TBC1D1: variants seen among roughly 807,000 people sequenced by gnomAD.
The protein encoded by TBC1D1 is TBC1 (tre-2/USP6, BUB2, cdc16) domain family, member 1.
Under a neutral mutation model 125.6 loss-of-function variants are expected in TBC1D1, and 89 were observed. The observed-to-expected ratio is 0.71, with a 90% confidence interval of 0.60 to 0.85. The LOEUF is 0.85. TBC1D1 is among the 40% of genes least tolerant of loss of function. TBC1D1 has a pLI of 0.00. For missense variants in TBC1D1, 1,377 were observed against 1,469.2 expected (o/e 0.94, Z 1.03); for synonymous variants, 565 against 564.1 (o/e 1.00, Z -0.02).
At chr4:37,948,602 T>C (rs981020915) in intron 2 of TBC1D1, among the ~76,000 whole-genome samples, 9 of 150,150 alleles carry the variant, frequency 6.0e-5, no homozygotes, top group African/African-American at 2.2e-4. Flanking sequence ...CACTCCAGCC[T>C]GGGCAACAGA....
At chr4:38,036,306 T>A (rs1160057626) in intron 8 of TBC1D1, among the ~76,000 whole-genome samples, 1 of 152,146 alleles carries the variant, frequency 6.6e-6, no homozygotes, top group African/African-American at 2.4e-5. Flanking sequence ...CCTTGGAAGA[T>A]CTTCAGGTTT....
At chr4:38,021,562 A>G in intron 5 of TBC1D1, 24 bp from the exon 6 acceptor site, 1 of 1,489,752 alleles carries the variant, frequency 6.7e-7, no homozygotes, top group Non-Finnish European at 8.9e-7. Context: ...TTTGGTGACT[A>G]CAACTTCTCT....
intron 6 of TBC1D1, among the ~76,000 whole-genome samples, chr4:38,023,425 A>G (rs1367538379): frequency 6.6e-6 from 1 of 152,176 alleles, no homozygotes; most frequent in Non-Finnish European, 1.5e-5. Context: ...ACATTGTTGT[A>G]CAGTCCTCAC....
At chr4:37,974,334 G>C (rs1732628274) in intron 2 of TBC1D1, among the ~76,000 whole-genome samples, 1 of 151,976 alleles carries the variant, frequency 6.6e-6, no homozygotes, top group South Asian at 2.1e-4. Context: ...GGGCTCAAAT[G>C]ATCTTCCCAC....
rs535904968 is a variant in TBC1D1 at position 37,996,210 on chromosome 4, G to C, written c.418-18299G>C. The C allele has an allele frequency of 2.6e-5, 8 of 302,310 alleles. 1 individual carries two copies. Among genetic ancestry groups the C allele is most frequent in the African/African-American group, 1.1e-4 (5 of 46,516 alleles). The allele number at this position is 302,310 out of a possible 1,614,324, so 18.7% of individuals were successfully genotyped here. On this transcript the variant is annotated intron_variant, in intron 2 of 19. Transcript: ENST00000261439. ...ACCCACCACAAGGCTTGGCCGTGCA[G>C]CTTCAGTTGCTGGATCTCTGGTCTT...
intron 12 of TBC1D1, among the ~76,000 whole-genome samples, chr4:38,055,339 C>T (rs941765130): frequency 6.6e-6 from 1 of 152,206 alleles, no homozygotes; most frequent in African/African-American, 2.4e-5. Context: ...CCCTTAGGAG[C>T]TGTGAACTAG....
intron 2 of TBC1D1, among the ~76,000 whole-genome samples, chr4:38,009,687 AT>A (rs1174795149): frequency 1.3e-5 from 2 of 152,230 alleles, no homozygotes; most frequent in African/African-American, 4.8e-5. Flanking sequence ...AACTTCATAC[AT>A]TACTGTGCAT....
intron 2 of TBC1D1, among the ~76,000 whole-genome samples, chr4:37,962,106 T>C (rs185234203): frequency 1.3e-5 from 2 of 152,360 alleles, no homozygotes; most frequent in African/African-American, 4.8e-5. Flanking sequence ...TTTTGTTCAC[T>C]ATGGTGTCCA....
chr4:38,000,930 A>G (rs1313809391), intron 2 of TBC1D1, among the ~76,000 whole-genome samples: 1 of 152,216 alleles, frequency 6.6e-6, no homozygotes, highest in Non-Finnish European at 1.5e-5. Context: ...TATAAAGAAT[A>G]CCACTCAAGG....
chr4:38,105,812 A>G (rs1761200472), intron 15 of TBC1D1, among the ~76,000 whole-genome samples: 1 of 152,164 alleles, frequency 6.6e-6, no homozygotes, highest in Non-Finnish European at 1.5e-5. Flanking sequence ...GTGTCCATAT[A>G]TCACATTTTC....
intron 8 of TBC1D1, among the ~76,000 whole-genome samples, chr4:38,036,793 G>A (rs1747303367): frequency 6.6e-6 from 1 of 152,198 alleles, no homozygotes; most frequent in Non-Finnish European, 1.5e-5. Context: ...TCTAACATGA[G>A]TATATGACCT....
At chr4:37,998,501 C>T (rs1203332131) in intron 2 of TBC1D1, among the ~76,000 whole-genome samples, 1 of 152,198 alleles carries the variant, frequency 6.6e-6, no homozygotes. Context: ...TCCACACCTC[C>T]CTCCTCGTCT....
At position 37,999,106 on chromosome 4, in the gene TBC1D1, G is replaced by A. The variant is rs190474009; in HGVS notation, c.418-15403G>A. ...TCCACTAAAAATACAAAAATTAGTC[G>A]GGTGTGGTGGTGGGCGCCTGTAATC... On this transcript the variant is annotated intron_variant, in intron 2 of 19. Coordinates refer to ENST00000261439, the MANE Select transcript of TBC1D1 (RefSeq NM_015173.4). Among the ~76,000 whole-genome samples the A allele has an allele frequency of 6.2e-4, 94 of 152,218 alleles. 1 individual carries two copies. In the East Asian group the frequency reaches 0.016, roughly 26 times the overall value.
Position 38,009,219 on chromosome 4 carries a change from C to T in TBC1D1, c.418-5290C>T, listed in dbSNP as rs13129158. ...ATCTGTTCCTTCTGGACAATGATTA[C>T]GTAGCATTTTTTTTGTGTGAAGTGC... On this transcript the variant is annotated intron_variant, in intron 2 of 19. Transcript: ENST00000261439. Among the ~76,000 whole-genome samples the T allele has an allele frequency of 8.9e-3, 1,353 of 152,216 alleles. 6 individuals are homozygous for T. The highest frequency in any genetic ancestry group is 0.015 in the Non-Finnish European group (987 of 68,000).
intron 2 of TBC1D1, among the ~76,000 whole-genome samples, chr4:38,000,696 C>T (rs960440694): frequency 2.0e-5 from 3 of 152,172 alleles, no homozygotes; most frequent in African/African-American, 7.2e-5. Flanking sequence ...TTCTCTGATT[C>T]TCTGGTCACC....
intron 2 of TBC1D1, among the ~76,000 whole-genome samples, chr4:38,009,604 A>T (rs1433802367): frequency 6.6e-6 from 1 of 152,222 alleles, no homozygotes; most frequent in African/African-American, 2.4e-5. Flanking sequence ...TACAGAACTG[A>T]ATATTTCTAA....
intron 12 of TBC1D1, among the ~76,000 whole-genome samples, chr4:38,059,963 A>G (rs1233387733): frequency 6.6e-6 from 1 of 152,176 alleles, no homozygotes. Flanking sequence ...TCTATGAGCA[A>G]AAACATGTGG....
At chr4:38,128,049 G>T (rs949915535) in intron 18 of TBC1D1, among the ~76,000 whole-genome samples, 1 of 152,210 alleles carries the variant, frequency 6.6e-6, no homozygotes, top group African/African-American at 2.4e-5. Flanking sequence ...ACTGTGCAGC[G>T]TGATGGGCTT....
chr4:37,911,678 A>G (rs115239568), intron 2 of TBC1D1, among the ~76,000 whole-genome samples: 3,688 of 152,322 alleles, frequency 0.024, 73 homozygotes, highest in Non-Finnish European at 0.034. Flanking sequence ...TTATTGAAAT[A>G]CTACCAATGT....
Sources: gnomAD v4.1 joint callset for allele counts (sites outside exome capture counted in the v4.1 genomes callset) on GRCh38, gnomAD v4.1.1 for gene constraint, MANE v1.5 for transcripts, NCBI Gene and HGNC (gene_info 2026-07-23, HGNC 2026-07-21) for gene names.